Variants in DYNC1LI2 observed in about 807,000 individuals in gnomAD.
DYNC1LI2 encodes the protein dynein cytoplasmic 1 light intermediate chain 2, also known as cytoplasmic dynein 1 light intermediate chain 2.
In DYNC1LI2, 19 loss-of-function variants were observed where a neutral mutation model predicts 57.8. That is an observed-to-expected ratio of 0.33 (90% CI 0.23 to 0.48). The LOEUF is 0.48. Ranked by LOEUF, DYNC1LI2 falls within the 20% of genes least tolerant of loss-of-function variation. The probability of loss-of-function intolerance (pLI) is 0.99; values close to 1 mark genes in which losing one functional copy is unlikely to be tolerated. For synonymous variants in DYNC1LI2, 256 were observed against 233.4 expected (o/e 1.10, Z -0.88); for missense variants, 470 against 604.2 (o/e 0.78, Z 2.33).
At chr16:66,745,512 A>G (rs925601216) in intron 3 of DYNC1LI2, among the ~76,000 whole-genome samples, 1 of 145,380 alleles carries the variant, frequency 6.9e-6, no homozygotes, top group African/African-American at 2.5e-5. Flanking sequence ...TCCTGGGCTC[A>G]AGGGGTCCGC....
intron 12 of DYNC1LI2, among the ~76,000 whole-genome samples, chr16:66,725,374 G>C (rs559004881): frequency 6.6e-6 from 1 of 151,900 alleles, no homozygotes; most frequent in Admixed American, 6.6e-5. Context: ...CCAGCTACTC[G>C]GGAGGCTGAG....
rs529881113 is a variant in DYNC1LI2 at position 66,732,415 on chromosome 16, T to C, written c.853A>G (p.Lys285Glu). 7 of 1,613,958 alleles carry C rather than the reference T, an allele frequency of 4.3e-6. No homozygotes were observed. The South Asian group carries it at 5.5e-5, about 13-fold the overall frequency. The part of the protein sequence containing the change: ...KEEKNLDLLY[K>E]YIVHKTYGFH... ...CCGTATGTTTTATGAACAATATACT[T>C]ATACAACAAGTCGAGGTTTTTCTCT... Residue 285 changes from lysine (K) to glutamate (E), a missense_variant, in exon 7 of 13, where the codon AAG (lysine) becomes GAG (glutamate). By Grantham distance (56) the Lys-to-Glu change is moderately conservative. Coordinates refer to ENST00000258198, the MANE Select transcript of DYNC1LI2 (RefSeq NM_006141.3).
chr16:66,737,895 C>T (rs1295293676), intron 4 of DYNC1LI2, among the ~76,000 whole-genome samples: 3 of 152,184 alleles, frequency 2.0e-5, no homozygotes, highest in Non-Finnish European at 2.9e-5. Flanking sequence ...AAAAATGCAA[C>T]AGTTAAAGCT....
intron 4 of DYNC1LI2, among the ~76,000 whole-genome samples, chr16:66,739,782 G>A (rs910103336): frequency 3.9e-5 from 6 of 152,346 alleles, no homozygotes; most frequent in African/African-American, 9.6e-5. Flanking sequence ...CATAACATGA[G>A]TGAAAAGGCA....
At chr16:66,729,228 CAG>C (rs759263189) in intron 8 of DYNC1LI2, 129 bp from the exon 9 acceptor site, 184 of 1,012,838 alleles carry the variant, frequency 1.8e-4, no homozygotes, top group Non-Finnish European at 2.6e-4. Context: ...ACTGAGACTG[CAG>C]AGTAATATTT....
At chr16:66,740,855 A>C (rs1239009125) in intron 4 of DYNC1LI2, among the ~76,000 whole-genome samples, 5 of 152,134 alleles carry the variant, frequency 3.3e-5, no homozygotes, top group Admixed American at 3.3e-4. Flanking sequence ...TCAACTACCT[A>C]CACCTCCAGA....
intron 4 of DYNC1LI2, among the ~76,000 whole-genome samples, chr16:66,737,796 G>C (rs549346627): frequency 6.6e-6 from 1 of 152,312 alleles, no homozygotes; most frequent in South Asian, 2.1e-4. Context: ...ACAATGGTCC[G>C]AGCCTCAGTT....
chr16:66,732,278 T>A lies in DYNC1LI2; in HGVS notation c.929+61A>T. The A allele has an allele frequency of 3.8e-6, 6 of 1,581,216 alleles. No homozygotes were observed. The South Asian group carries it at 5.8e-5, about 15-fold the overall frequency. On this transcript the variant is annotated intron_variant, in intron 7 of 12. Coordinates refer to ENST00000258198, the MANE Select transcript of DYNC1LI2 (RefSeq NM_006141.3). ...AGGCACCTTCCTTGAAGGGGTAAAA[T>A]GTAAAAAGCAAATGTACTTTAAAAA...
chr16:66,743,717 A>G (rs145679699), intron 3 of DYNC1LI2, among the ~76,000 whole-genome samples: 19 of 152,292 alleles, frequency 1.2e-4, no homozygotes, highest in Non-Finnish European at 2.5e-4. Context: ...TGAAGAGCCT[A>G]TGTTTAAACA....
chr16:66,729,201 A>G (rs577794548), intron 8 of DYNC1LI2, 102 bp from the exon 9 acceptor site: 5 of 1,267,272 alleles, frequency 3.9e-6, no homozygotes, highest in Non-Finnish European at 5.7e-6. Context: ...GCTTCAACAC[A>G]GGTCTGGGAG....
At chr16:66,750,765 G>A (rs1481659904) in intron 2 of DYNC1LI2, among the ~76,000 whole-genome samples, 1 of 152,120 alleles carries the variant, frequency 6.6e-6, no homozygotes, top group Non-Finnish European at 1.5e-5. Flanking sequence ...AGGGAGTAAG[G>A]GACCTGACTC....
In DYNC1LI2 at chr16:66,725,867, G is replaced by A. The variant is rs768894802; in HGVS notation, c.1339C>T (p.Pro447Ser). Reference sequence around the variant, plus strand: ...GTGCTCTGCACCCCACCAGCACCAGGACTTCCAGGAGAGCCTGTCTTTTTA... The same window carrying A: ...GTGCTCTGCACCCCACCAGCACCAGAACTTCCAGGAGAGCCTGTCTTTTTA... ...LSKKTGSPGS[P>S]GAGGVQSTAK... Residue 447 changes from proline to serine, a missense_variant, in exon 12 of 13, where the codon CCT (proline) becomes TCT (serine). Transcript: ENST00000258198. 1 of 1,614,118 alleles carries A rather than the reference G, an allele frequency of 6.2e-7. No individual in the cohort carries two copies. Among genetic ancestry groups the A allele is most frequent in the South Asian group, 1.1e-5 (1 of 91,074 alleles).
At chr16:66,746,700 C>G (rs1456825094) in intron 3 of DYNC1LI2, among the ~76,000 whole-genome samples, 1 of 152,142 alleles carries the variant, frequency 6.6e-6, no homozygotes, top group Non-Finnish European at 1.5e-5. Flanking sequence ...TTTACACTTT[C>G]AAAAGAAACA....
At chr16:66,736,863 C>A (rs1239728310) in intron 4 of DYNC1LI2, among the ~76,000 whole-genome samples, 1 of 152,224 alleles carries the variant, frequency 6.6e-6, no homozygotes, top group Non-Finnish European at 1.5e-5. Context: ...AAGAAAGCCA[C>A]TTTTCTTATG....
Position 66,723,538 on chromosome 16 carries a change from T to A in DYNC1LI2, c.*184A>T. 1 of 674,126 alleles carries A rather than the reference T, an allele frequency of 1.5e-6. No individual in the cohort carries two copies. The highest frequency in any genetic ancestry group is 1.5e-5 in the South Asian group (1 of 64,630). 41.8% of individuals were successfully genotyped at this position (674,126 alleles called of 1,614,324 possible). On this transcript the variant is annotated 3_prime_UTR_variant, in exon 13 of 13. Transcript: ENST00000258198. ...GTTATCCTTAACAAAGGGTCTGACA[T>A]GTAACCTTCCTAAATGTGCATTTCA...
At chr16:66,728,278 G>A (rs749495233) in intron 9 of DYNC1LI2, 36 bp from the exon 10 acceptor site, 2 of 1,613,272 alleles carry the variant, frequency 1.2e-6, no homozygotes, top group African/African-American at 1.3e-5. Flanking sequence ...ATTAACCAAG[G>A]CCTGCAGAGA....
chr16:66,737,191 G>A (rs1024840674), intron 4 of DYNC1LI2, among the ~76,000 whole-genome samples: 10 of 152,118 alleles, frequency 6.6e-5, no homozygotes, highest in Non-Finnish European at 1.2e-4. Flanking sequence ...CATGAGAATC[G>A]CCTAAACCTG....
chr16:66,740,112 T>C (rs963031860), intron 4 of DYNC1LI2, among the ~76,000 whole-genome samples: 1 of 152,070 alleles, frequency 6.6e-6, no homozygotes, highest in Admixed American at 6.6e-5. Context: ...AAGAGAAGAC[T>C]AAAGTACAAA....
At chr16:66,740,067 A>G (rs2017809048) in intron 4 of DYNC1LI2, among the ~76,000 whole-genome samples, 1 of 152,198 alleles carries the variant, frequency 6.6e-6, no homozygotes, top group South Asian at 2.1e-4. Context: ...ATAGTCCTAC[A>G]TAAGCATAAG....
Sources: gnomAD v4.1 joint callset for allele counts (sites outside exome capture counted in the v4.1 genomes callset) on GRCh38, gnomAD v4.1.1 for gene constraint, MANE v1.5 for transcripts, NCBI Gene and HGNC (gene_info 2026-07-23, HGNC 2026-07-21) for gene names.